The following LTBP1 variants were observed in gnomAD, a reference collection of about 807,000 sequenced individuals.
LTBP1 encodes the protein latent-transforming growth factor beta-binding protein 1.
In LTBP1, 129 loss-of-function variants were observed where a neutral mutation model predicts 207.6. That is an observed-to-expected ratio of 0.62 (90% CI 0.54 to 0.72). The LOEUF is 0.72. Ranked by LOEUF, LTBP1 falls within the 30% of genes least tolerant of loss-of-function variation. The pLI, the probability that LTBP1 is intolerant of heterozygous loss-of-function variation, is 0.00. For missense variants in LTBP1, 2,281 were observed against 2,217.2 expected (o/e 1.03, Z -0.58); for synonymous variants, 963 against 833.7 (o/e 1.16, Z -2.67).
chr2:33,171,337 A>G (rs2085425612), intron 5 of LTBP1, among the ~76,000 whole-genome samples: 1 of 141,316 alleles, frequency 7.1e-6, no homozygotes, highest in Non-Finnish European at 1.6e-5. Context: ...CTGAAAGCCA[A>G]GGCTCAAGAA....
Position 33,301,506 on chromosome 2 carries a change from A to C in LTBP1, c.3359-16A>C. The C allele has an allele frequency of 6.4e-7, 1 of 1,568,894 alleles. No homozygotes were observed. The highest frequency in any genetic ancestry group is 1.2e-5 in the South Asian group (1 of 83,312). ...AGCACCACTTCCACAGTTTCTTTGT[A>C]TTCTCTTGCTCATAGACATTGATGA... is the stretch of plus-strand genomic sequence containing the variant. On this transcript the variant is annotated splice_polypyrimidine_tract_variant and intron_variant, in intron 21 of 33. Coordinates refer to ENST00000404816, the MANE Select transcript of LTBP1 (RefSeq NM_206943.4).
At chr2:33,009,487 G>C (rs973745349) in intron 2 of LTBP1, among the ~76,000 whole-genome samples, 2 of 152,134 alleles carry the variant, frequency 1.3e-5, no homozygotes, top group Non-Finnish European at 2.9e-5. Context: ...ATGAAAAGGG[G>C]ATATTTCAGC....
At chr2:32,988,669 C>T (rs1043734677) in intron 2 of LTBP1, among the ~76,000 whole-genome samples, 1 of 152,160 alleles carries the variant, frequency 6.6e-6, no homozygotes, top group Non-Finnish European at 1.5e-5. Flanking sequence ...TTCCTCAATT[C>T]CCCAGTATTT....
At position 33,110,711 on chromosome 2, in the gene LTBP1, T is replaced by G; in HGVS notation, c.993T>G (p.Pro331=). 1 of 1,614,212 alleles carries G rather than the reference T, an allele frequency of 6.2e-7. No homozygotes were observed. The highest frequency in any genetic ancestry group is 8.5e-7 in the Non-Finnish European group (1 of 1,180,026). ...SGEQSTEGSF[P]LRYVQDQVAA... ...AGCAGTCCACTGAAGGTTCTTTCCC[T>G]TTAAGATATGTGCAGGATCAAGTTG... Residue 331 remains proline (P), a synonymous_variant, in exon 4 of 34, where the codon CCT becomes CCG. Coordinates refer to ENST00000404816, the MANE Select transcript of LTBP1 (RefSeq NM_206943.4).
At chr2:33,100,318 T>G (rs1429651034) in intron 3 of LTBP1, among the ~76,000 whole-genome samples, 1 of 152,100 alleles carries the variant, frequency 6.6e-6, no homozygotes, top group Non-Finnish European at 1.5e-5. Flanking sequence ...TACTCCAGAA[T>G]TGGCATCTCA....
At chr2:33,140,299 G>A (rs555630367) in intron 5 of LTBP1, among the ~76,000 whole-genome samples, 14 of 138,042 alleles carry the variant, frequency 1.0e-4, no homozygotes, top group African/African-American at 3.4e-4. Flanking sequence ...CAAGCATATG[G>A]AGTTTTTTCT....
chr2:33,259,997 T>G (rs1163178667), intron 13 of LTBP1, among the ~76,000 whole-genome samples: 1 of 152,192 alleles, frequency 6.6e-6, no homozygotes, highest in Non-Finnish European at 1.5e-5. Context: ...AGAGCACATA[T>G]ATAGTTAGTG....
chr2:33,044,286 C>A (rs1036950208), intron 3 of LTBP1, among the ~76,000 whole-genome samples: 1 of 151,946 alleles, frequency 6.6e-6, no homozygotes, highest in Non-Finnish European at 1.5e-5. Context: ...ACTGACAGGC[C>A]CTGGTGTGTG....
chr2:33,394,980 T>C (rs921823905), intron 32 of LTBP1, among the ~76,000 whole-genome samples: 2 of 152,226 alleles, frequency 1.3e-5, no homozygotes, highest in Non-Finnish European at 2.9e-5. Flanking sequence ...TCCATCCATG[T>C]TCCTGCAAAA....
intron 3 of LTBP1, among the ~76,000 whole-genome samples, chr2:33,069,120 G>T (rs1253756280): frequency 1.3e-5 from 2 of 152,324 alleles, no homozygotes; most frequent in South Asian, 2.1e-4. Context: ...GTGTTAAGTT[G>T]TCTGGGAGAG....
intron 7 of LTBP1, among the ~76,000 whole-genome samples, chr2:33,209,330 C>T (rs10048778): frequency 0.053 from 8,052 of 152,154 alleles, 711 homozygotes; most frequent in African/African-American, 0.18. Context: ...TGTGATTGGG[C>T]CATGGATCCT....
chr2:33,009,566 T>G (rs76441422), intron 2 of LTBP1, among the ~76,000 whole-genome samples: 1,719 of 152,268 alleles, frequency 0.011, 35 homozygotes, highest in African/African-American at 0.039. Context: ...CAAAGAACGC[T>G]TGAGGCTACC....
At chr2:32,978,342 CT>C (rs1378525235) in intron 2 of LTBP1, among the ~76,000 whole-genome samples, 1 of 152,058 alleles carries the variant, frequency 6.6e-6, no homozygotes, top group Non-Finnish European at 1.5e-5. Context: ...ATCATACAGA[CT>C]TTTTGGCTTT....
rs1236471170 is a variant in LTBP1, at chr2:33,150,721, T to C, written c.1201+15761T>C. 5.9e-5 allele frequency among the ~76,000 whole-genome samples: 7 copies of C among 118,694 alleles called. No homozygotes were observed. The East Asian group carries it at 7.3e-4, about 12-fold the overall frequency. The allele number at this position is 118,694 out of a possible 152,430, so 77.9% of individuals were successfully genotyped here. On this transcript the variant is annotated intron_variant, in intron 5 of 33. Coordinates refer to ENST00000404816, the MANE Select transcript of LTBP1 (RefSeq NM_206943.4). ...TCTTTTTTCTTTTTCTTTTTTTTTTTTTTTTTTTTTTTTTTGAGACAGAGT... is the reference window on the plus strand; with the variant it reads ...TCTTTTTTCTTTTTCTTTTTTTTTTCTTTTTTTTTTTTTTTGAGACAGAGT...
At chr2:33,098,849 C>G (rs1280272913) in intron 3 of LTBP1, among the ~76,000 whole-genome samples, 1 of 152,196 alleles carries the variant, frequency 6.6e-6, no homozygotes, top group Admixed American at 6.5e-5. Context: ...CAGAGCAAGG[C>G]TCTCCTGGTA....
rs3047211 is a variant in LTBP1 at position 33,022,265 on chromosome 2, C to CTTTTT, written c.863+1071_863+1075dup. On this transcript the variant is annotated intron_variant, in intron 3 of 33. Transcript: ENST00000404816. Reference sequence around the variant, plus strand: ...TTTCTCCTATTCCCTCCTCAATCCTCTTTTTTTTTTTTTTTTCTGTTTTTC... The same window carrying CTTTTT: ...TTTCTCCTATTCCCTCCTCAATCCTCTTTTTTTTTTTTTTTTTTTTTCTGTTTTTC... Among the ~76,000 whole-genome samples the CTTTTT allele has an allele frequency of 3.0e-4, 38 of 125,214 alleles. 1 individual carries two copies. Among genetic ancestry groups the CTTTTT allele is most frequent in the Non-Finnish European group, 4.0e-4 (24 of 60,718 alleles). The allele number at this position is 125,214 out of a possible 152,430, so 82.1% of individuals were successfully genotyped here. A position where few individuals can be genotyped will look rare whatever the true frequency, so the allele number is the denominator to read the frequency against.
At chr2:33,037,813 G>A (rs576063630) in intron 3 of LTBP1, among the ~76,000 whole-genome samples, 23 of 152,328 alleles carry the variant, frequency 1.5e-4, no homozygotes, top group Admixed American at 1.1e-3. Context: ...GACCTGCTGG[G>A]CTTAAGCAAT....
At chr2:33,374,155 G>A (rs1281802246) in intron 31 of LTBP1, among the ~76,000 whole-genome samples, 1 of 152,168 alleles carries the variant, frequency 6.6e-6, no homozygotes, top group Non-Finnish European at 1.5e-5. Context: ...GTTGCAAAAG[G>A]CCTGTCAGCA....
At chr2:33,181,762 A>T (rs1276812736) in intron 5 of LTBP1, among the ~76,000 whole-genome samples, 1 of 152,244 alleles carries the variant, frequency 6.6e-6, no homozygotes, top group East Asian at 1.9e-4. Context: ...TACCACAAGC[A>T]TCTCAAGTCA....
Sources: allele counts gnomAD v4.1 joint callset (sites outside exome capture counted in the v4.1 genomes callset), GRCh38; gene constraint gnomAD v4.1.1; transcripts MANE v1.5; gene names NCBI Gene and HGNC (gene_info 2026-07-23, HGNC 2026-07-21).